Variants in ATP10A observed in about 807,000 individuals in gnomAD.
ATP10A encodes the protein ATPase phospholipid transporting 10A (putative).
In ATP10A, 111 loss-of-function variants were observed where a neutral mutation model predicts 147.8. The ratio of observed to expected loss-of-function variants is 0.75; its 90% CI spans 0.64 to 0.88. The LOEUF is 0.88. ATP10A is among the 40% of genes least tolerant of loss of function. The pLI, the probability that ATP10A is intolerant of heterozygous loss-of-function variation, is 0.00. For missense variants in ATP10A, 1,927 were observed against 1,959.0 expected, an observed-to-expected ratio of 0.98 and a Z score of 0.31; for synonymous variants, 875 against 841.6, an observed-to-expected ratio of 1.04 and a Z score of -0.69.
At chr15:25,674,653 T>C (rs887268180), downstream of ATP10A, among the ~76,000 whole-genome samples, 5 of 152,258 alleles carry the variant, frequency 3.3e-5, no homozygotes, top group African/African-American at 1.2e-4. Flanking sequence ...GGACAGCTGG[T>C]CTGTCTTACA....
chr15:25,726,598 C>T (rs1238835933), intron 4 of ATP10A, among the ~76,000 whole-genome samples: 5 of 151,870 alleles, frequency 3.3e-5, no homozygotes, highest in African/African-American at 7.2e-5. Context: ...TGCACCACCA[C>T]GCCCAGCTAA....
At chr15:25,851,146 G>C (rs1411330356) in intron 1 of ATP10A, among the ~76,000 whole-genome samples, 1 of 152,078 alleles carries the variant, frequency 6.6e-6, no homozygotes, top group Non-Finnish European at 1.5e-5. Context: ...TTCTAGAAAA[G>C]TCCTAGATTA....
intron 1 of ATP10A, among the ~76,000 whole-genome samples, chr15:25,819,541 C>T (rs1257190759): frequency 6.6e-6 from 1 of 151,842 alleles, no homozygotes. Context: ...AGAAATGGAA[C>T]TGCCATTTGA....
At chr15:25,796,238 T>C (rs1375667006) in intron 1 of ATP10A, among the ~76,000 whole-genome samples, 8 of 152,070 alleles carry the variant, frequency 5.3e-5, no homozygotes, top group Admixed American at 2.6e-4. Flanking sequence ...CTGAGCTCTA[T>C]AAAAAACAGA....
chr15:25,856,761 C>T (rs12904521), intron 1 of ATP10A, among the ~76,000 whole-genome samples: 21,190 of 151,918 alleles, frequency 0.14, 1,729 homozygotes, highest in African/African-American at 0.21. Context: ...ACCAAAACAA[C>T]GACAACAACA....
intron 1 of ATP10A, among the ~76,000 whole-genome samples, chr15:25,830,277 C>A (rs191233643): frequency 6.6e-6 from 1 of 152,148 alleles, no homozygotes. Context: ...AGAGGCCAGG[C>A]TCCACTCTCC....
chr15:25,780,913 G>T lies in ATP10A; in HGVS notation c.654+106C>A, dbSNP rs905120199. 3.9e-6 allele frequency: 5 copies of T among 1,272,162 alleles called. No homozygotes were observed. The African/African-American group carries it at 4.4e-5, about 11-fold the overall frequency. 78.8% of individuals were successfully genotyped at this position (1,272,162 alleles called of 1,614,324 possible). ...ACTCGTCTACTAGGAAAAACAGCCT[G>T]GTCTGACAGACAGGAAAATGCAGGT... On this transcript the variant is annotated intron_variant, in intron 2 of 20. Coordinates refer to ENST00000555815, the MANE Select transcript of ATP10A (RefSeq NM_024490.4).
chr15:25,691,871 G>A, intron 14 of ATP10A, 80 bp from the exon 15 acceptor site: 2 of 1,561,186 alleles, frequency 1.3e-6, no homozygotes, highest in Non-Finnish European at 1.8e-6. Context: ...ATTTTCTTGG[G>A]AGTCCCCGCT....
chr15:25,858,620 C>G (rs143702479), intron 1 of ATP10A, among the ~76,000 whole-genome samples: 1 of 151,990 alleles, frequency 6.6e-6, no homozygotes, highest in African/African-American at 2.4e-5. Flanking sequence ...GAAAATGGAG[C>G]GAAAATCAAA....
intron 1 of ATP10A, among the ~76,000 whole-genome samples, chr15:25,831,403 G>A (rs1012368762): frequency 6.6e-6 from 1 of 152,208 alleles, no homozygotes; most frequent in African/African-American, 2.4e-5. Flanking sequence ...TGCGAGCAGG[G>A]AATTCCTAAT....
intron 3 of ATP10A, among the ~76,000 whole-genome samples, chr15:25,732,588 C>T (rs1237080228): frequency 9.3e-5 from 5 of 53,848 alleles, no homozygotes; most frequent in Non-Finnish European, 1.4e-4. Flanking sequence ...TGGAGTCTCG[C>T]TCTGTCACCC....
At chr15:25,792,596 T>C (rs1356437719) in intron 1 of ATP10A, among the ~76,000 whole-genome samples, 2 of 152,192 alleles carry the variant, frequency 1.3e-5, no homozygotes, top group African/African-American at 4.8e-5. Flanking sequence ...GCAGCCTCTA[T>C]GTGGATGTCC....
In ATP10A at chr15:25,695,164, G is replaced by A. The variant is rs200123016; in HGVS notation, c.2761-18C>T. On this transcript the variant is annotated intron_variant, in intron 13 of 20. Coordinates refer to ENST00000555815, the MANE Select transcript of ATP10A (RefSeq NM_024490.4). ...CACGCCTCCTGAAAGGGACATGAGA[G>A]GACAGCGCAGTTCCCTCAGAGTCAT... 2 of 1,592,752 alleles carry A rather than the reference G, an allele frequency of 1.3e-6. No homozygotes were observed. Among genetic ancestry groups the A allele is most frequent in the African/African-American group, 1.3e-5 (1 of 74,624 alleles).
intron 1 of ATP10A, among the ~76,000 whole-genome samples, chr15:25,826,515 T>C (rs1192478235): frequency 6.6e-6 from 1 of 152,146 alleles, no homozygotes; most frequent in Non-Finnish European, 1.5e-5. Context: ...TGAGCCGATA[T>C]TGCACCACCG....
At chr15:25,734,261 G>T (rs1887134426) in intron 3 of ATP10A, among the ~76,000 whole-genome samples, 1 of 152,218 alleles carries the variant, frequency 6.6e-6, no homozygotes, top group Non-Finnish European at 1.5e-5. Flanking sequence ...TGTCCCTGCT[G>T]TGCCTCCACT....
In ATP10A at chr15:25,718,413, G is replaced by T. The variant is rs1343797295; in HGVS notation, c.1364-14C>A. On this transcript the variant is annotated splice_polypyrimidine_tract_variant and intron_variant, in intron 7 of 20. Transcript: ENST00000555815. ...CCAGACGCTGCGCTGCGGGGAGAGGGCGCAGGGTGAGGCATCATGGGGGAA... is the reference window on the plus strand; with the variant it reads ...CCAGACGCTGCGCTGCGGGGAGAGGTCGCAGGGTGAGGCATCATGGGGGAA... The T allele has an allele frequency of 1.3e-6, 2 of 1,576,516 alleles. No homozygotes were observed. The highest frequency in any genetic ancestry group is 3.6e-5 in the Admixed American group (2 of 55,194).
intron 2 of ATP10A, among the ~76,000 whole-genome samples, chr15:25,770,866 G>A (rs79590842): frequency 0.031 from 4,770 of 152,220 alleles, 71 homozygotes; most frequent in African/African-American, 0.043. Context: ...ACATCTGGGC[G>A]TGGCCAACCC....
At chr15:25,765,731 T>C (rs534103310) in intron 2 of ATP10A, among the ~76,000 whole-genome samples, 5 of 152,316 alleles carry the variant, frequency 3.3e-5, no homozygotes, top group African/African-American at 1.2e-4. Flanking sequence ...GACAGAGGTA[T>C]TGTATTCATG....
intron 2 of ATP10A, among the ~76,000 whole-genome samples, chr15:25,761,353 G>C (rs920551933): frequency 6.6e-6 from 1 of 152,238 alleles, no homozygotes; most frequent in African/African-American, 2.4e-5. Context: ...AAAGGAAAGA[G>C]AGTTAATTGA....
Sources: allele counts gnomAD v4.1 joint callset (sites outside exome capture counted in the v4.1 genomes callset), GRCh38; gene constraint gnomAD v4.1.1; transcripts MANE v1.5; gene names NCBI Gene and HGNC (gene_info 2026-07-23, HGNC 2026-07-21).